Variants in SPAG16 observed in about 807,000 individuals in gnomAD.
SPAG16 encodes the protein sperm-associated antigen 16 protein.
In SPAG16, 86 loss-of-function variants were observed where a neutral mutation model predicts 80.4. The ratio of observed to expected loss-of-function variants is 1.07; its 90% CI spans 0.90 to 1.28. SPAG16 has a LOEUF of 1.28. SPAG16 is among the 50% of genes most tolerant of loss of function. SPAG16 has a pLI of 0.00. For synonymous variants in SPAG16, 294 were observed against 265.9 expected, an observed-to-expected ratio of 1.11 and a Z score of -1.03; for missense variants, 870 against 765.3, an observed-to-expected ratio of 1.14 and a Z score of -1.61.
At chr2:213,772,122 C>T (rs551326619) in intron 10 of SPAG16, among the ~76,000 whole-genome samples, 5 of 152,262 alleles carry the variant, frequency 3.3e-5, no homozygotes, top group African/African-American at 1.2e-4. Flanking sequence ...TTTCCTTGAG[C>T]AGTGGTTTGT....
At position 214,002,722 on chromosome 2, in the gene SPAG16, G is replaced by A. The variant is rs536878124; in HGVS notation, c.1401-11229G>A. Among the ~76,000 whole-genome samples, 21 of 152,314 alleles carry A rather than the reference G, an allele frequency of 1.4e-4. 1 individual carries two copies. The Middle Eastern group carries it at 0.01, about 74-fold the overall frequency. On this transcript the variant is annotated intron_variant, in intron 12 of 15. Coordinates refer to ENST00000331683, the MANE Select transcript of SPAG16 (RefSeq NM_024532.5). ...CCAGGAGCTCTGATATCCGACAGCA[G>A]GAGAATATGGATGTCCCAGATTGAG... is the stretch of plus-strand genomic sequence containing the variant.
chr2:214,028,106 A>G (rs1248998700), intron 13 of SPAG16, among the ~76,000 whole-genome samples: 1 of 151,902 alleles, frequency 6.6e-6, no homozygotes, highest in African/African-American at 2.4e-5. Context: ...CTAGCATACT[A>G]CTGTGCCTAA....
intron 15 of SPAG16, among the ~76,000 whole-genome samples, chr2:214,314,340 T>C (rs1252353507): frequency 6.6e-6 from 1 of 152,220 alleles, no homozygotes; most frequent in Non-Finnish European, 1.5e-5. Context: ...TTGAGTTACA[T>C]TTACTTATAT....
intron 15 of SPAG16, among the ~76,000 whole-genome samples, chr2:214,374,606 C>CA (rs929741286): frequency 9.9e-5 from 15 of 152,244 alleles, no homozygotes; most frequent in Admixed American, 6.5e-4. Flanking sequence ...CTAAATTTCT[C>CA]AAAAATATGC....
chr2:213,979,735 C>G (rs1377379565), intron 12 of SPAG16, among the ~76,000 whole-genome samples: 2 of 152,048 alleles, frequency 1.3e-5, no homozygotes, highest in Non-Finnish European at 2.9e-5. Context: ...CAGACCTGAA[C>G]CATATCGCCA....
chr2:213,705,479 A>G (rs1407662402), intron 10 of SPAG16, among the ~76,000 whole-genome samples: 1 of 151,832 alleles, frequency 6.6e-6, no homozygotes, highest in African/African-American at 2.4e-5. Flanking sequence ...CTTAAGAGGG[A>G]GCTGGAGGTA....
chr2:214,046,779 T>C (rs1044897560), intron 13 of SPAG16, among the ~76,000 whole-genome samples: 16 of 152,142 alleles, frequency 1.1e-4, no homozygotes, highest in Non-Finnish European at 2.4e-4. Context: ...TGATCTTATA[T>C]TTGGAAATAC....
At chr2:213,838,482 T>C (rs1039268033) in intron 10 of SPAG16, among the ~76,000 whole-genome samples, 2 of 152,198 alleles carry the variant, frequency 1.3e-5, no homozygotes, top group African/African-American at 4.8e-5. Flanking sequence ...CATCTCTGAC[T>C]TTATATGCAG....
rs370755410 is a variant in SPAG16 at position 214,067,255 on chromosome 2, G to C, written c.1528-40941G>C. Among the ~76,000 whole-genome samples, 9 of 152,126 alleles carry C rather than the reference G, an allele frequency of 5.9e-5. 1 individual carries two copies. The East Asian group carries it at 9.6e-4, about 16-fold the overall frequency. On this transcript the variant is annotated intron_variant, in intron 13 of 15. Transcript: ENST00000331683. ...AACACAGCTGATAGACAAAGCACTG[G>C]TTTTGTTCAATAATTAGGTTGTTTC... is the stretch of plus-strand genomic sequence containing the variant.
chr2:213,341,737 C>T (rs898901883), intron 6 of SPAG16, among the ~76,000 whole-genome samples: 4 of 152,000 alleles, frequency 2.6e-5, no homozygotes, highest in African/African-American at 9.7e-5. Flanking sequence ...ATGGGGGTCT[C>T]ACTTTGTTGA....
intron 10 of SPAG16, among the ~76,000 whole-genome samples, chr2:213,819,764 G>GT (rs142834312): frequency 1.3e-3 from 183 of 145,868 alleles, no homozygotes; most frequent in African/African-American, 3.3e-3. Context: ...TGGTTGGTTG[G>GT]TTTTTTTTTT....
chr2:213,753,930 A>T (rs2125496797), intron 10 of SPAG16, among the ~76,000 whole-genome samples: 1 of 152,360 alleles, frequency 6.6e-6, no homozygotes, highest in East Asian at 1.9e-4. Context: ...GTCAAGAAAC[A>T]AAAGGATAAT....
chr2:213,582,133 T>G lies in SPAG16; in HGVS notation c.1070+92043T>G, dbSNP rs77639507. Among the ~76,000 whole-genome samples, 675 of 152,208 alleles carry G rather than the reference T, an allele frequency of 4.4e-3. 4 individuals are homozygous for G. The highest frequency in any genetic ancestry group is 0.015 in the African/African-American group (622 of 41,534). ...AATATAAACACTTACCTTTTACTCT[T>G]GGAGAGTAAAAGGAGAGAATAGGTA... On this transcript the variant is annotated intron_variant, in intron 10 of 15. Transcript: ENST00000331683.
intron 10 of SPAG16, among the ~76,000 whole-genome samples, chr2:213,848,254 T>A (rs1323253785): frequency 6.6e-6 from 1 of 151,992 alleles, no homozygotes; most frequent in Non-Finnish European, 1.5e-5. Context: ...TAGATGGGAG[T>A]CAATAGATTA....
At chr2:213,829,558 A>T (rs182957887) in intron 10 of SPAG16, among the ~76,000 whole-genome samples, 1 of 152,218 alleles carries the variant, frequency 6.6e-6, no homozygotes. Flanking sequence ...TGCTTTTCTC[A>T]AACAGAAAGA....
chr2:214,320,699 A>G (rs1240177105), intron 15 of SPAG16, among the ~76,000 whole-genome samples: 2 of 152,164 alleles, frequency 1.3e-5, no homozygotes, highest in Non-Finnish European at 2.9e-5. Flanking sequence ...AGATCTCTTG[A>G]GAACTCACTC....
At position 213,638,702 on chromosome 2, in the gene SPAG16, T is replaced by C. The variant is rs185327817; in HGVS notation, c.1070+148612T>C. On this transcript the variant is annotated intron_variant, in intron 10 of 15. Transcript: ENST00000331683. ...GGAGAATGTTCCTTGTGCTTATGAATAGAATGTATATTCTACAGTTGCTAG... is the reference window on the plus strand; with the variant it reads ...GGAGAATGTTCCTTGTGCTTATGAACAGAATGTATATTCTACAGTTGCTAG... Among the ~76,000 whole-genome samples, 23 of 152,278 alleles carry C rather than the reference T, an allele frequency of 1.5e-4. No homozygotes were observed. In the East Asian group the frequency reaches 2.1e-3, roughly 14 times the overall value.
chr2:213,783,576 C>G (rs1455068786), intron 10 of SPAG16, among the ~76,000 whole-genome samples: 1 of 108,466 alleles, frequency 9.2e-6, no homozygotes, highest in East Asian at 2.6e-4. Context: ...GAAAATTTGG[C>G]AACAACCAAA....
chr2:213,461,887 T>C (rs1416780260), intron 9 of SPAG16, among the ~76,000 whole-genome samples: 1 of 152,020 alleles, frequency 6.6e-6, no homozygotes, highest in Non-Finnish European at 1.5e-5. Flanking sequence ...GGGACATGGA[T>C]GTATGTGTAT....
Sources: allele counts gnomAD v4.1 joint callset (sites outside exome capture counted in the v4.1 genomes callset), GRCh38; gene constraint gnomAD v4.1.1; transcripts MANE v1.5; gene names NCBI Gene and HGNC (gene_info 2026-07-23, HGNC 2026-07-21).